SPECC1: variants seen among roughly 807,000 people sequenced by gnomAD.
The protein encoded by SPECC1 is cytospin-B.
SPECC1 carries 62 observed loss-of-function variants against 104.1 expected under a neutral mutation model. The observed-to-expected ratio is 0.60, with a 90% confidence interval of 0.49 to 0.74. SPECC1 has a LOEUF of 0.74. SPECC1 is among the 30% of genes least tolerant of loss of function. The pLI, the probability that SPECC1 is intolerant of heterozygous loss-of-function variation, is 0.00. For missense variants in SPECC1, 1,306 were observed against 1,310.5 expected (o/e 1.00, Z 0.05); for synonymous variants, 513 against 501.6 (o/e 1.02, Z -0.30).
chr17:20,172,440 G>C (rs986147157), intron 3 of SPECC1, among the ~76,000 whole-genome samples: 66 of 152,214 alleles, frequency 4.3e-4, no homozygotes, highest in African/African-American at 1.6e-3. Flanking sequence ...TCTCAGTCCA[G>C]TGTCACCTCT....
chr17:20,303,664 G>C (rs1022793659), intron 13 of SPECC1, among the ~76,000 whole-genome samples: 2 of 152,162 alleles, frequency 1.3e-5, no homozygotes, highest in African/African-American at 4.8e-5. Context: ...ACAAAATTAA[G>C]AAATTTGGAC....
rs187209799 is a variant in SPECC1, at chr17:20,250,767, A to G, written c.2599-2738A>G. ...AACATTAATAGACAAGAAAATTAAA[A>G]GGTCTTTCTCACGAACCTCTTTGCA... On this transcript the variant is annotated intron_variant, in intron 9 of 14. Coordinates refer to ENST00000395527, the MANE Select transcript of SPECC1 (RefSeq NM_001243439.2). Among the ~76,000 whole-genome samples the G allele has an allele frequency of 5.3e-5, 8 of 152,344 alleles. No individual in the cohort carries two copies. The East Asian group carries it at 1.5e-3, about 29-fold the overall frequency.
intron 3 of SPECC1, among the ~76,000 whole-genome samples, chr17:20,147,753 G>C (rs982168668): frequency 1.3e-5 from 2 of 152,190 alleles, no homozygotes; most frequent in African/African-American, 2.4e-5. Flanking sequence ...AAAAATGATA[G>C]AGACAGGGTG....
At chr17:20,041,177 T>C (rs2045311057) in intron 1 of SPECC1, among the ~76,000 whole-genome samples, 1 of 152,242 alleles carries the variant, frequency 6.6e-6, no homozygotes, top group Admixed American at 6.5e-5. Context: ...CTCCATTCTA[T>C]GTTGTCTTTC....
chr17:20,282,303 C>T (rs888697144), intron 12 of SPECC1, among the ~76,000 whole-genome samples: 2 of 152,320 alleles, frequency 1.3e-5, no homozygotes, highest in Admixed American at 1.3e-4. Context: ...GCCGTCCTCT[C>T]GCCATAGGAA....
At chr17:20,086,102 C>T (rs183290152) in intron 1 of SPECC1, among the ~76,000 whole-genome samples, 3 of 152,330 alleles carry the variant, frequency 2.0e-5, no homozygotes, top group East Asian at 3.9e-4. Flanking sequence ...GTCCATGACA[C>T]TGAAGGCCTC....
At chr17:20,311,710 C>T (rs1423294503) in intron 14 of SPECC1, among the ~76,000 whole-genome samples, 1 of 152,148 alleles carries the variant, frequency 6.6e-6, no homozygotes, top group Non-Finnish European at 1.5e-5. Flanking sequence ...GAAAGGACAT[C>T]CTTGCCTTGT....
chr17:20,220,589 G>GTTTTTTT (rs1555631729), intron 4 of SPECC1, among the ~76,000 whole-genome samples: 1 of 112,242 alleles, frequency 8.9e-6, no homozygotes, highest in Non-Finnish European at 1.8e-5. Flanking sequence ...GTGGAGGCTA[G>GTTTTTTT]TTTTTTCCAG....
chr17:20,227,771 C>T (rs547180801), intron 5 of SPECC1, 151 bp downstream of exon 5: 20 of 679,034 alleles, frequency 2.9e-5, no homozygotes, highest in Middle Eastern at 4.3e-4. Flanking sequence ...CAAAATTAGC[C>T]GGGCGTGGTG....
intron 9 of SPECC1, among the ~76,000 whole-genome samples, chr17:20,249,270 C>T (rs979108041): frequency 2.0e-5 from 3 of 151,822 alleles, no homozygotes; most frequent in African/African-American, 7.3e-5. Context: ...ATACAAAAAT[C>T]AACTGGGCAT....
intron 3 of SPECC1, among the ~76,000 whole-genome samples, chr17:20,163,666 T>G (rs1244072068): frequency 6.6e-6 from 1 of 150,872 alleles, no homozygotes; most frequent in Non-Finnish European, 1.5e-5. Context: ...GTGCAGGCGG[T>G]CCTCTCACTG....
chr17:20,231,971 A>G lies in SPECC1; in HGVS notation c.2145+140A>G, dbSNP rs1438852303. 2.0e-5 allele frequency: 20 copies of G among 986,222 alleles called. No homozygotes were observed. The South Asian group carries it at 2.6e-4, about 13-fold the overall frequency. 61.1% of individuals were successfully genotyped at this position (986,222 alleles called of 1,614,324 possible). On this transcript the variant is annotated intron_variant, in intron 6 of 14. Coordinates refer to ENST00000395527, the MANE Select transcript of SPECC1 (RefSeq NM_001243439.2). ...CCTGGAACTGTAAATTCTTGTTGGC[A>G]GGAAGTAAAATCAAAGGAGTCATTT...
intron 3 of SPECC1, among the ~76,000 whole-genome samples, chr17:20,177,748 C>T (rs111730167): frequency 2.6e-5 from 4 of 152,088 alleles, no homozygotes; most frequent in Non-Finnish European, 5.9e-5. Context: ...CTTTCTCTGT[C>T]GCCCAGGCTG....
Position 20,316,106 on chromosome 17 carries a change from A to C in SPECC1, c.*2041A>C. ...CCTTTGTATTTAAATGAAACTCGAC[A>C]CATAGAACCAATTCAACCTGAAAGT... On this transcript the variant is annotated 3_prime_UTR_variant, in exon 15 of 15. Coordinates refer to ENST00000395527, the MANE Select transcript of SPECC1 (RefSeq NM_001243439.2). 4.3e-6 allele frequency: 1 copy of C among 231,978 alleles called. No individual in the cohort carries two copies. Among genetic ancestry groups the C allele is most frequent in the South Asian group, 1.8e-4 (1 of 5,524 alleles). 14.4% of individuals were successfully genotyped at this position (231,978 alleles called of 1,614,324 possible). A position where few individuals can be genotyped will look rare whatever the true frequency, so the allele number is the denominator to read the frequency against.
intron 1 of SPECC1, among the ~76,000 whole-genome samples, chr17:20,090,345 C>A (rs553666138): frequency 4.6e-5 from 7 of 152,260 alleles, no homozygotes; most frequent in South Asian, 4.1e-4. Context: ...CTGCACTTTC[C>A]GTTTTGCTTC....
intron 3 of SPECC1, among the ~76,000 whole-genome samples, chr17:20,194,502 A>ATTTTTTTTTTTTTT (rs1209589252): frequency 2.3e-4 from 20 of 86,564 alleles, no homozygotes; most frequent in African/African-American, 5.3e-4. Flanking sequence ...AAGAGAACGA[A>ATTTTTTTTTTTTTT]TTTTTTTTTT....
rs769024624 is a variant in SPECC1 at position 20,204,516 on chromosome 17, A to G, written c.467A>G (p.Gln156Arg). ...AGGACCCCTTCCACAAAGCCCAAGC[A>G]AGAGAATGAAGGTGGAGAAAAGGCT... is the stretch of plus-strand genomic sequence containing the variant. ...HLRTPSTKPK[Q>R]ENEGGEKAAL... Residue 156 changes from glutamine (Q) to arginine (R), a missense_variant, in exon 4 of 15, where the codon CAA becomes CGA. Physicochemically the swap from Gln to Arg is conservative, Grantham distance 43 (BLOSUM62 1). Transcript: ENST00000395527. 47 of 1,614,050 alleles carry G rather than the reference A, an allele frequency of 2.9e-5. No individual in the cohort carries two copies. The highest frequency in any genetic ancestry group is 4.0e-5 in the Non-Finnish European group (47 of 1,180,052).
At position 20,205,365 on chromosome 17, in the gene SPECC1, A is replaced by G; in HGVS notation, c.1316A>G (p.Glu439Gly). 1 of 1,613,762 alleles carries G rather than the reference A, an allele frequency of 6.2e-7. No homozygotes were observed. The highest frequency in any genetic ancestry group is 8.5e-7 in the Non-Finnish European group (1 of 1,179,950). ...HRERAEQLSQ[E>G]NEKLMNLLQE... The stretch of plus-strand genomic sequence containing the variant: ...GAGAGGGCAGAGCAGCTAAGTCAAG[A>G]AAATGAGAAGCTGATGAATCTTTTA... The change falls in exon 4 of 15, where the codon GAA (glutamate) becomes GGA (glycine). Residue 439 changes from glutamate to glycine, a missense_variant. Coordinates refer to ENST00000395527, the MANE Select transcript of SPECC1 (RefSeq NM_001243439.2).
chr17:20,292,029 G>A (rs542500521), intron 12 of SPECC1, among the ~76,000 whole-genome samples: 6 of 151,610 alleles, frequency 4.0e-5, no homozygotes, highest in Admixed American at 6.6e-5. Context: ...TAATGTAAAC[G>A]TCAAAACGGG....
Sources: gnomAD v4.1 joint callset for allele counts (sites outside exome capture counted in the v4.1 genomes callset) on GRCh38, gnomAD v4.1.1 for gene constraint, MANE v1.5 for transcripts, NCBI Gene and HGNC (gene_info 2026-07-23, HGNC 2026-07-21) for gene names.